Variants in IREB2 observed in about 807,000 individuals in gnomAD.
IREB2 encodes the protein iron-responsive element-binding protein 2.
IREB2 carries 39 observed loss-of-function variants against 118.8 expected under a neutral mutation model. That is an observed-to-expected ratio of 0.33 (90% CI 0.25 to 0.43). IREB2 has a LOEUF of 0.43. Ranked by LOEUF, IREB2 falls within the 20% of genes least tolerant of loss-of-function variation. The pLI is 1.00. For missense variants in IREB2, 900 were observed against 1,147.3 expected (o/e 0.78, Z 3.11); for synonymous variants, 372 against 392.2 (o/e 0.95, Z 0.61).
intron 2 of IREB2, among the ~76,000 whole-genome samples, chr15:78,457,331 C>T (rs1327402457): frequency 6.6e-6 from 1 of 152,062 alleles, no homozygotes; most frequent in Non-Finnish European, 1.5e-5. Context: ...GTAGAAGAGT[C>T]TGCTCTCTCT....
At chr15:78,485,018 T>C (rs2051637046) in intron 12 of IREB2, 98 bp downstream of exon 12, 1 of 1,038,516 alleles carries the variant, frequency 9.6e-7, no homozygotes, top group Admixed American at 2.5e-5. Context: ...CATGAGTGTC[T>C]ACATTTGATA....
chr15:78,465,292 C>T lies in IREB2; in HGVS notation c.314C>T (p.Ala105Val). 1 of 1,612,778 alleles carries T rather than the reference C, an allele frequency of 6.2e-7. No homozygotes were observed. The highest frequency in any genetic ancestry group is 1.7e-5 in the Admixed American group (1 of 59,696). Residue 105 changes from alanine (A) to valine (V), a missense_variant, in exon 4 of 22, where the codon GCA (alanine) becomes GTA (valine). Ala to Val is a moderately conservative substitution (Grantham distance 64). Coordinates refer to ENST00000258886, the MANE Select transcript of IREB2 (RefSeq NM_004136.4). ...AMVDFAAMRE[A>V]VKTLGGDPEK... ...GTGGATTTTGCTGCTATGAGGGAGG[C>T]AGTGAAAACTCTTGGAGGTGATCCT...
Position 78,466,419 on chromosome 15 carries a change from T to G in IREB2, c.559T>G (p.Ser187Ala). ...SCDSGELGRN[S>A]GTFSSQIENT... ...TGATTCTGGAGAACTAGGCCGAAACTCAGGAACATTTTCTTCGCAGATTGA... is the reference window on the plus strand; with the variant it reads ...TGATTCTGGAGAACTAGGCCGAAACGCAGGAACATTTTCTTCGCAGATTGA... Residue 187 changes from serine to alanine, a missense_variant, in exon 5 of 22, where the codon TCA becomes GCA. Ser to Ala is a moderately conservative substitution (Grantham distance 99). Transcript: ENST00000258886. 6.2e-7 allele frequency: 1 copy of G among 1,614,164 alleles called. No homozygotes were observed. The highest frequency in any genetic ancestry group is 8.5e-7 in the Non-Finnish European group (1 of 1,180,022).
At chr15:78,478,969 G>A (rs1029237934) in intron 10 of IREB2, among the ~76,000 whole-genome samples, 1 of 152,086 alleles carries the variant, frequency 6.6e-6, no homozygotes, top group African/African-American at 2.4e-5. Flanking sequence ...GACCCAGTCC[G>A]GCTCTTTCAC....
intron 13 of IREB2, among the ~76,000 whole-genome samples, chr15:78,487,002 A>G (rs1278473815): frequency 1.3e-5 from 2 of 152,208 alleles, no homozygotes; most frequent in Non-Finnish European, 2.9e-5. Context: ...TTTGGAACAT[A>G]TGAGTCATCA....
intron 2 of IREB2, 25 bp from the exon 3 acceptor site, chr15:78,462,897 T>C (rs2051220194): frequency 9.7e-6 from 15 of 1,544,720 alleles, no homozygotes; most frequent in African/African-American, 1.4e-5. Flanking sequence ...GTTTGCTTAT[T>C]AATAGTAATA....
rs1596021689 is a variant in IREB2 at position 78,500,475 on chromosome 15, A to G, written c.*2332A>G. The G allele has an allele frequency of 6.6e-6, 1 of 150,822 alleles. No homozygotes were observed. Among genetic ancestry groups the G allele is most frequent in the Non-Finnish European group, 1.5e-5 (1 of 67,902 alleles). The allele number at this position is 150,822 out of a possible 1,614,324, so 9.3% of individuals were successfully genotyped here. A position where few individuals can be genotyped will look rare whatever the true frequency, so the allele number is the denominator to read the frequency against. On this transcript the variant is annotated 3_prime_UTR_variant, in exon 22 of 22. Transcript: ENST00000258886. The stretch of plus-strand genomic sequence containing the variant: ...AAATGCTATGTTTGCAAAATGTGGC[A>G]TCTGTTAGTTTTTATTGTCTGTGTC...
intron 12 of IREB2, 21 bp from the exon 13 acceptor site, chr15:78,485,684 C>A (rs373249450): frequency 6.2e-7 from 1 of 1,607,282 alleles, no homozygotes; most frequent in Non-Finnish European, 8.5e-7. Context: ...CATAATAAAT[C>A]ATTGTTTGTT....
At chr15:78,496,848 C>T (rs908665559) in intron 20 of IREB2, among the ~76,000 whole-genome samples, 3 of 152,056 alleles carry the variant, frequency 2.0e-5, no homozygotes, top group African/African-American at 4.8e-5. Flanking sequence ...TCAAGGGAGC[C>T]GGCCCATTTA....
intron 18 of IREB2, among the ~76,000 whole-genome samples, chr15:78,492,943 A>G (rs955001697): frequency 6.6e-6 from 1 of 152,166 alleles, no homozygotes; most frequent in Admixed American, 6.5e-5. Context: ...TACGGTCTCT[A>G]ATAAGCAATC....
chr15:78,451,816 T>C (rs2051030534), intron 2 of IREB2, among the ~76,000 whole-genome samples: 1 of 152,092 alleles, frequency 6.6e-6, no homozygotes. Context: ...GCCTTCCTAG[T>C]AGCTGGAACT....
chr15:78,467,512 C>G (rs564159562), intron 5 of IREB2, among the ~76,000 whole-genome samples: 1 of 151,998 alleles, frequency 6.6e-6, no homozygotes, highest in East Asian at 1.9e-4. Context: ...GCAAACATGG[C>G]GAAACCCCAT....
rs115506959 is a variant in IREB2 at position 78,466,496 on chromosome 15, G to C, written c.629+7G>C. On this transcript the variant is annotated splice_region_variant and intron_variant, in intron 5 of 21. Transcript: ENST00000258886. ...ATTTGCAACCAGTGCCTGAGTATGAGATTGTTTTTCTTAAAGTTTATTAAT... is the reference window on the plus strand; with the variant it reads ...ATTTGCAACCAGTGCCTGAGTATGACATTGTTTTTCTTAAAGTTTATTAAT... 1 of 1,595,846 alleles carries C rather than the reference G, an allele frequency of 6.3e-7. No homozygotes were observed.
intron 8 of IREB2, 137 bp downstream of exon 8, chr15:78,473,518 T>C (rs1250239465): frequency 4.7e-6 from 3 of 640,248 alleles, no homozygotes; most frequent in South Asian, 2.0e-5. Context: ...ATCATAGTTA[T>C]CATAGTAATA....
chr15:78,476,173 G>A lies in IREB2; in HGVS notation c.1024-15G>A. 1.3e-6 allele frequency: 2 copies of A among 1,551,024 alleles called. No individual in the cohort carries two copies. The highest frequency in any genetic ancestry group is 1.2e-5 in the South Asian group (1 of 83,106). ...TTTGCAATTTTGTATGTGTTTCTGTGTATTCCTTATATAGCACCTCAGGCA... is the reference window on the plus strand; with the variant it reads ...TTTGCAATTTTGTATGTGTTTCTGTATATTCCTTATATAGCACCTCAGGCA... On this transcript the variant is annotated splice_polypyrimidine_tract_variant and intron_variant, in intron 8 of 21. Coordinates refer to ENST00000258886, the MANE Select transcript of IREB2 (RefSeq NM_004136.4).
chr15:78,477,162 A>G (rs2051485803), intron 9 of IREB2, among the ~76,000 whole-genome samples: 1 of 152,204 alleles, frequency 6.6e-6, no homozygotes, highest in Non-Finnish European at 1.5e-5. Context: ...TAGAACATTC[A>G]AAGTAGAAAT....
Position 78,498,387 on chromosome 15 carries a change from T to G in IREB2, c.*244T>G. On this transcript the variant is annotated 3_prime_UTR_variant, in exon 22 of 22. Coordinates refer to ENST00000258886, the MANE Select transcript of IREB2 (RefSeq NM_004136.4). ...TGAAGTGTGTTGTGGAAGAGACCTG[T>G]AAGTATGGGGGGGGGGCGATATTTT... The G allele has an allele frequency of 7.1e-6, 1 of 140,006 alleles. No individual in the cohort carries two copies. The highest frequency in any genetic ancestry group is 1.3e-5 in the Non-Finnish European group (1 of 77,578). The allele number at this position is 140,006 out of a possible 1,614,324, so 8.7% of individuals were successfully genotyped here.
chr15:78,471,175 A>G (rs2051370628), intron 6 of IREB2, among the ~76,000 whole-genome samples: 1 of 150,514 alleles, frequency 6.6e-6, no homozygotes, highest in African/African-American at 2.5e-5. Context: ...CTGCCTGGCT[A>G]TTTTTGTATT....
In IREB2 at chr15:78,494,182, G is replaced by A; in HGVS notation, c.2513G>A (p.Gly838Asp). ...FEAAELYQKEGIPLIILAGKK... is the reference protein window; with the variant it reads ...FEAAELYQKEDIPLIILAGKK... The stretch of plus-strand genomic sequence containing the variant: ...GCTGCAGAGCTGTACCAGAAAGAAG[G>A]TATCCCACTGATTATTTTAGCAGGA... Residue 838 changes from glycine to aspartate, a missense_variant, in exon 20 of 22, where the codon GGT becomes GAT. Gly to Asp is a moderately conservative substitution (Grantham distance 94). Coordinates refer to ENST00000258886, the MANE Select transcript of IREB2 (RefSeq NM_004136.4). 2 of 1,614,026 alleles carry A rather than the reference G, an allele frequency of 1.2e-6. No homozygotes were observed. The highest frequency in any genetic ancestry group is 1.7e-4 in the Middle Eastern group (1 of 6,060).
Sources: gnomAD v4.1 joint callset for allele counts (sites outside exome capture counted in the v4.1 genomes callset) on GRCh38, gnomAD v4.1.1 for gene constraint, MANE v1.5 for transcripts, NCBI Gene and HGNC (gene_info 2026-07-23, HGNC 2026-07-21) for gene names.